Variants in WDR20 observed in about 807,000 individuals in gnomAD.
WDR20 encodes the protein WD repeat domain 20.
In WDR20, 3 loss-of-function variants were observed where a neutral mutation model predicts 38.7. The observed-to-expected ratio is 0.08, with a 90% confidence interval of 0.04 to 0.20. The LOEUF (loss-of-function observed/expected upper bound fraction) is 0.20. WDR20 is among the 10% of genes least tolerant of loss of function. WDR20 has a pLI of 1.00. For synonymous variants in WDR20, 298 were observed against 285.6 expected (o/e 1.04, Z -0.44); for missense variants, 559 against 727.7 (o/e 0.77, Z 2.67).
chr14:102,188,632 CT>C (rs1342738365), intron 1 of WDR20, among the ~76,000 whole-genome samples: 2 of 151,804 alleles, frequency 1.3e-5, no homozygotes, highest in Admixed American at 6.6e-5. Flanking sequence ...CTTTGGGAGG[CT>C]GAGATGTGAG....
chr14:102,217,392 CG>C (rs2063346126), downstream of WDR20, among the ~76,000 whole-genome samples: 2 of 152,304 alleles, frequency 1.3e-5, no homozygotes, highest in South Asian at 4.1e-4. Flanking sequence ...GGTCTTTCCC[CG>C]GAAGTCTGAA....
downstream of WDR20, among the ~76,000 whole-genome samples, chr14:102,215,622 G>GC (rs2063127585): frequency 6.6e-6 from 1 of 152,074 alleles, no homozygotes; most frequent in Non-Finnish European, 1.5e-5. Context: ...CCCTCCCCTT[G>GC]CCCCCAGGTA....
At chr14:102,217,197 A>T (rs1461823488), downstream of WDR20, among the ~76,000 whole-genome samples, 1 of 152,170 alleles carries the variant, frequency 6.6e-6, no homozygotes, top group African/African-American at 2.4e-5. Context: ...AGTAGAGAGG[A>T]TTGCAGGGCC....
chr14:102,165,867 TG>T (rs996758032), intron 1 of WDR20, among the ~76,000 whole-genome samples: 2 of 152,088 alleles, frequency 1.3e-5, no homozygotes, highest in African/African-American at 4.8e-5. Flanking sequence ...CTCCAACTCC[TG>T]GGCTCAAGCA....
chr14:102,210,903 T>C (rs1268482734), downstream of WDR20, among the ~76,000 whole-genome samples: 1 of 152,116 alleles, frequency 6.6e-6, no homozygotes, highest in African/African-American at 2.4e-5. Flanking sequence ...AGGTTTCCCC[T>C]CTCCTTGTTC....
chr14:102,222,685 G>T lies in WDR20; in HGVS notation c.1693-145G>T. On this transcript the variant is annotated intron_variant, in intron 3 of 3. Transcript: ENST00000335263. This position sits in a 1 kb window ranked among gnomAD's most constrained non-coding sequence, Gnocchi z 4.4. ...CAGTGATCTGGATAGGAATTAAATA[G>T]ATGAAGTGGAGGGTTTGCTCCCACA... 9.0e-6 allele frequency: 7 copies of T among 778,080 alleles called. No individual in the cohort carries two copies. In the South Asian group the frequency reaches 1.1e-4, roughly 12 times the overall value. The allele number at this position is 778,080 out of a possible 1,614,324, so 48.2% of individuals were successfully genotyped here.
At chr14:102,172,547 A>T (rs1261682234) in intron 1 of WDR20, among the ~76,000 whole-genome samples, 1 of 91,866 alleles carries the variant, frequency 1.1e-5, no homozygotes, top group African/African-American at 4.4e-5. Context: ...CTGACCCCCC[A>T]CCTCCCTCCC....
At chr14:102,154,018 A>C (rs1313731526) in intron 1 of WDR20, among the ~76,000 whole-genome samples, 1 of 152,192 alleles carries the variant, frequency 6.6e-6, no homozygotes, top group East Asian at 1.9e-4. Context: ...AATTTTTTTA[A>C]ATGAGCTAGA....
At chr14:102,200,467 T>TTGTGTGTGTGTGTG (rs71395660) in intron 2 of WDR20, among the ~76,000 whole-genome samples, 26 of 117,770 alleles carry the variant, frequency 2.2e-4, no homozygotes, top group African/African-American at 7.5e-4. Flanking sequence ...ATTTTTTTTT[T>TTGTGTGTGTGTGTG]TGTGTGTGTG....
intron 1 of WDR20, among the ~76,000 whole-genome samples, chr14:102,141,087 G>A (rs1456487466): frequency 1.3e-5 from 2 of 152,136 alleles, no homozygotes; most frequent in Admixed American, 6.5e-5. Flanking sequence ...ATTTATTAGA[G>A]TTTTTCTTTC....
chr14:102,186,815 T>C (rs2064892858), intron 1 of WDR20, among the ~76,000 whole-genome samples: 1 of 151,368 alleles, frequency 6.6e-6, no homozygotes, highest in South Asian at 2.1e-4. Flanking sequence ...GCCGGGGTGG[T>C]GGGGGGCGCC....
In WDR20 at chr14:102,222,337, C is replaced by T. The variant is rs1438802442; in HGVS notation, c.1693-493C>T. On this transcript the variant is annotated intron_variant, in intron 3 of 3. Coordinates refer to the WDR20 transcript ENST00000335263. This position sits in a 1 kb window ranked among gnomAD's most constrained non-coding sequence, Gnocchi z 4.4. ...GGGGTGCCACGGTCACACCACCCAA[C>T]AAAGCAAGAACCCCCCAGCAGAGAA... Among the ~76,000 whole-genome samples the T allele has an allele frequency of 1.3e-5, 2 of 152,246 alleles. No individual in the cohort carries two copies. Among genetic ancestry groups the T allele is most frequent in the African/African-American group, 2.4e-5 (1 of 41,458 alleles).
At chr14:102,206,934 C>T (rs1210239092) in intron 2 of WDR20, among the ~76,000 whole-genome samples, 1 of 152,196 alleles carries the variant, frequency 6.6e-6, no homozygotes, top group African/African-American at 2.4e-5. Context: ...TAACCCCTTG[C>T]TGAGAAAATT....
rs940773221 is a variant in WDR20, at chr14:102,222,996, G to A, written c.*113G>A. The A allele has an allele frequency of 5.4e-6, 7 of 1,291,072 alleles. No individual in the cohort carries two copies. Among genetic ancestry groups the A allele is most frequent in the Non-Finnish European group, 6.7e-6 (6 of 901,948 alleles). The allele number at this position is 1,291,072 out of a possible 1,614,324, so 80.0% of individuals were successfully genotyped here. On this transcript the variant is annotated 3_prime_UTR_variant, in exon 4 of 4. Transcript: ENST00000335263. The surrounding 1 kb of genome is among the most constrained non-coding windows in gnomAD (Gnocchi z 4.4). ...AGCCGGCGGACCTCAGGCGGTGGACGTCGGCGATAGCCGTGTGGACGGTGA... is the reference window on the plus strand; with the variant it reads ...AGCCGGCGGACCTCAGGCGGTGGACATCGGCGATAGCCGTGTGGACGGTGA...
rs10162480 is a variant in WDR20, at chr14:102,198,658, G to T, written c.432+3538G>T. On this transcript the variant is annotated intron_variant, in intron 2 of 2. Transcript: ENST00000342702. Reference sequence around the variant, plus strand: ...AGATTGGAGGGCCACATCACCTACGGCCTGATCCAGATTTGTTTCTTAGCC... The same window carrying T: ...AGATTGGAGGGCCACATCACCTACGTCCTGATCCAGATTTGTTTCTTAGCC... 5.6e-3 allele frequency among the ~76,000 whole-genome samples: 854 copies of T among 152,330 alleles called. 9 individuals are homozygous for T. The highest frequency in any genetic ancestry group is 0.02 in the African/African-American group (817 of 41,568).
intron 1 of WDR20, 47 bp from the exon 2 acceptor site, chr14:102,194,891 A>T (rs2059160254): frequency 2.6e-6 from 4 of 1,558,988 alleles, no homozygotes; most frequent in Non-Finnish European, 3.5e-6. Context: ...TAGATTTCTC[A>T]TCTCAATGTG....
At chr14:102,195,349 A>AT (rs2059237080) in intron 2 of WDR20, among the ~76,000 whole-genome samples, 1 of 152,168 alleles carries the variant, frequency 6.6e-6, no homozygotes, top group Non-Finnish European at 1.5e-5. Context: ...TCAGGTGTCT[A>AT]TAACAGGTGT....
At chr14:102,213,021 C>T (rs180932436), downstream of WDR20, 2,828 of 990,208 alleles carry the variant, frequency 2.9e-3, 4 homozygotes, top group Admixed American at 4.8e-3. Context: ...CCCGCTCCCA[C>T]CCGGCAAGGG....
chr14:102,175,325 GT>G, intron 1 of WDR20, among the ~76,000 whole-genome samples: 1 of 152,180 alleles, frequency 6.6e-6, no homozygotes, highest in South Asian at 2.1e-4. Flanking sequence ...CCCACTTTAT[GT>G]TTTTGTTTGC....
Sources: allele counts gnomAD v4.1 joint callset (sites outside exome capture counted in the v4.1 genomes callset), GRCh38; gene constraint gnomAD v4.1.1; non-coding constraint Gnocchi (gnomAD v3.1); transcripts MANE v1.5; gene names NCBI Gene and HGNC (gene_info 2026-07-23, HGNC 2026-07-21).